The following PDE4DIP variants were observed in gnomAD, a reference collection of about 807,000 sequenced individuals.
PDE4DIP encodes the protein phosphodiesterase 4D interacting protein, also known as myomegalin.
PDE4DIP carries 59 observed loss-of-function variants against 221.4 expected under a neutral mutation model. The ratio of observed to expected loss-of-function variants is 0.27; its 90% confidence interval spans 0.22 to 0.33. PDE4DIP has a LOEUF of 0.33. Ranked by LOEUF, PDE4DIP falls within the 10% of genes least tolerant of loss-of-function variation. The pLI is 1.00. For synonymous variants in PDE4DIP, 404 were observed against 815.9 expected, an observed-to-expected ratio of 0.50 and a Z score of 8.60; for missense variants, 1,036 against 2,154.2, an observed-to-expected ratio of 0.48 and a Z score of 10.28.
intron 4 of PDE4DIP, among the ~76,000 whole-genome samples, chr1:148,935,428 G>T (rs1171060512): frequency 1.1e-5 from 1 of 89,574 alleles, no homozygotes; most frequent in Admixed American, 1.3e-4. Flanking sequence ...CTCTTCTCCA[G>T]CCATTGCCTC....
chr1:148,917,862 TATTAGCACC>T (rs1485592980), intron 1 of PDE4DIP, among the ~76,000 whole-genome samples: 1 of 146,364 alleles, frequency 6.8e-6, no homozygotes, highest in East Asian at 2.0e-4. Context: ...AAGGTAGGGG[TATTAGCACC>T]ATTAAAAAAA....
chr1:148,933,735 C>T (rs1353498220), intron 4 of PDE4DIP, among the ~76,000 whole-genome samples: 2 of 152,122 alleles, frequency 1.3e-5, no homozygotes, highest in Non-Finnish European at 2.9e-5. Flanking sequence ...ATTTAAGAAG[C>T]TTTGCAATAC....
intron 1 of PDE4DIP, among the ~76,000 whole-genome samples, chr1:148,919,349 G>A (rs1194216161): frequency 6.6e-6 from 1 of 151,510 alleles, no homozygotes; most frequent in African/African-American, 2.5e-5. Flanking sequence ...CCAGTTTAAG[G>A]TCACACAGGG....
chr1:148,995,401 AT>A (rs2063975098), intron 22 of PDE4DIP, among the ~76,000 whole-genome samples: 1 of 149,666 alleles, frequency 6.7e-6, no homozygotes, highest in Non-Finnish European at 1.5e-5. Context: ...GATGCTGAGC[AT>A]TTGAGAAAAG....
chr1:149,031,995 T>A (rs1553638671), exon 44 of PDE4DIP: 2 of 1,610,498 alleles, frequency 1.2e-6, no homozygotes, highest in Admixed American at 3.3e-5. Flanking sequence ...ACCCTTGCCT[T>A]CCAGGAACCA....
rs138232693 is a variant in PDE4DIP at position 148,953,809 on chromosome 1, C to G, written c.637-6845C>G. ...GTTTCCTTAACAGGTCTTTGAAACC[C>G]CTTTACAAGACACCTGTGAGTTATC... On this transcript the variant is annotated intron_variant, in intron 5 of 43. Coordinates refer to ENST00000369354, the Ensembl canonical transcript of PDE4DIP. 9 of 1,458,306 alleles carry G rather than the reference C, an allele frequency of 6.2e-6. No homozygotes were observed. In the African/African-American group the frequency reaches 1.1e-4, roughly 18 times the overall value. The allele number at this position is 1,458,306 out of a possible 1,614,324, so 90.3% of individuals were successfully genotyped here.
At chr1:148,923,572 C>G (rs1181519718) in intron 1 of PDE4DIP, among the ~76,000 whole-genome samples, 1 of 142,052 alleles carries the variant, frequency 7.0e-6, no homozygotes. Context: ...CTCCCGGGTT[C>G]ACGCCATTCT....
At chr1:148,952,731 AGCCGCC>A (rs3839010) in intron 5 of PDE4DIP, 96 of 1,322,364 alleles carry the variant, frequency 7.3e-5, no homozygotes, top group Non-Finnish European at 8.7e-5. Context: ...GTCACCCAGT[AGCCGCC>A]GCCGCCGCCG....
At chr1:149,032,893 G>A (rs2077027445) in exon 44 of PDE4DIP, 1 of 207,716 alleles carries the variant, frequency 4.8e-6, no homozygotes, top group South Asian at 1.9e-4. Flanking sequence ...ATTTATATAT[G>A]TTGCTAACGC....
At chr1:148,961,448 G>T (rs1553509848) in intron 6 of PDE4DIP, among the ~76,000 whole-genome samples, 4 of 151,788 alleles carry the variant, frequency 2.6e-5, no homozygotes, top group Non-Finnish European at 5.9e-5. Context: ...CTACAATTTG[G>T]GATGCTGAAC....
intron 32 of PDE4DIP, among the ~76,000 whole-genome samples, chr1:149,014,103 G>A (rs1401460011): frequency 6.7e-6 from 1 of 149,638 alleles, no homozygotes; most frequent in Non-Finnish European, 1.5e-5. Context: ...TATTTATTTT[G>A]TCAACCCAGG....
At chr1:149,018,187 A>C in intron 34 of PDE4DIP, 1 of 384,812 alleles carries the variant, frequency 2.6e-6, no homozygotes, top group Non-Finnish European at 4.7e-6. Context: ...GGGTCCTCCC[A>C]CCTCTACCCT....
chr1:148,952,149 T>C lies in PDE4DIP; in HGVS notation c.637-8505T>C, dbSNP rs1366064644. On this transcript the variant is annotated intron_variant, in intron 5 of 43. Coordinates refer to ENST00000369354, the Ensembl canonical transcript of PDE4DIP. ...GGATCCTTGAGGGCACTGGTGCGAC[T>C]TTCAGGTGAGGTCTTAGCAGATGAA... is the stretch of plus-strand genomic sequence containing the variant. The C allele has an allele frequency of 2.9e-6, 3 of 1,032,682 alleles. No homozygotes were observed. In the African/African-American group the frequency reaches 5.1e-5, roughly 17 times the overall value. The allele number at this position is 1,032,682 out of a possible 1,614,324, so 64.0% of individuals were successfully genotyped here. A position where few individuals can be genotyped will look rare whatever the true frequency, so the allele number is the denominator to read the frequency against.
At chr1:149,016,967 T>G (rs1358662407) in intron 33 of PDE4DIP, among the ~76,000 whole-genome samples, 7 of 152,214 alleles carry the variant, frequency 4.6e-5, no homozygotes, top group African/African-American at 1.7e-4. Context: ...CAAAATTCAG[T>G]CACAGCAAGT....
At position 149,021,111 on chromosome 1, in the gene PDE4DIP, A is replaced by G. The variant is rs145618115; in HGVS notation, c.6043A>G (p.Ile2015Val). The change falls in exon 37 of 44, where the codon ATC becomes GTC. Residue 2015 changes from isoleucine (I) to valine (V), a missense_variant. Coordinates refer to ENST00000369354, the Ensembl canonical transcript of PDE4DIP. ...TGAGTCCCTCCAGTCAGAGCTACAAATCTACGAGGCACTTTATGGCAATTC... is the reference window on the plus strand; with the variant it reads ...TGAGTCCCTCCAGTCAGAGCTACAAGTCTACGAGGCACTTTATGGCAATTC... The G allele has an allele frequency of 2.8e-3, 2,605 of 944,502 alleles. 5 individuals carry two copies. Among genetic ancestry groups the G allele is most frequent in the Middle Eastern group, 0.022 (65 of 2,954 alleles). The allele number at this position is 944,502 out of a possible 1,614,324, so 58.5% of individuals were successfully genotyped here. A position where few individuals can be genotyped will look rare whatever the true frequency, so the allele number is the denominator to read the frequency against.
chr1:148,968,667 T>G (rs1243897870), intron 13 of PDE4DIP, among the ~76,000 whole-genome samples, 169 bp from the exon 17 acceptor site: 4 of 152,224 alleles, frequency 2.6e-5, no homozygotes, highest in Admixed American at 1.3e-4. Flanking sequence ...TAGAGACTTC[T>G]GTGTAGCAGG....
upstream of PDE4DIP, among the ~76,000 whole-genome samples, chr1:148,888,179 G>A (rs1321081737): frequency 6.6e-6 from 1 of 152,004 alleles, no homozygotes; most frequent in Non-Finnish European, 1.5e-5. Context: ...AATATCAGAG[G>A]ACATCACACA....
intron 2 of PDE4DIP, among the ~76,000 whole-genome samples, chr1:148,868,007 T>A (rs587757089): frequency 2.0e-5 from 3 of 150,570 alleles, no homozygotes; most frequent in Admixed American, 6.6e-5. Context: ...GTGGTGACTG[T>A]CAGCTGGGGC....
intron 3 of PDE4DIP, among the ~76,000 whole-genome samples, chr1:148,877,124 A>G (rs1691760151): frequency 1.3e-5 from 2 of 148,524 alleles, no homozygotes; most frequent in Admixed American, 1.3e-4. Flanking sequence ...CAAGTGTGGA[A>G]TATATATACA....
Sources: gnomAD v4.1 joint callset for allele counts (sites outside exome capture counted in the v4.1 genomes callset) on GRCh38, gnomAD v4.1.1 for gene constraint, MANE v1.5 for transcripts, NCBI Gene and HGNC (gene_info 2026-07-23, HGNC 2026-07-21) for gene names.